The following NOTCH2NLB variants were observed in gnomAD, a reference collection of about 807,000 sequenced individuals.
NOTCH2NLB encodes the protein notch homolog 2 N-terminal-like protein B.
In NOTCH2NLB, 1 loss-of-function variant was observed where a neutral mutation model predicts 14.8. The observed-to-expected ratio is 0.07, with a 90% CI of 0.02 to 0.32. The LOEUF is 0.32. Among genes scored for constraint, NOTCH2NLB ranks in the 10% least tolerant of loss-of-function variants. NOTCH2NLB has a pLI of 1.00. For synonymous variants in NOTCH2NLB, 6 were observed against 57.5 expected (o/e 0.10, Z 4.05); for missense variants, 11 against 155.0 (o/e 0.07, Z 4.93).
At chr1:148,626,366 AAG>A (rs1459550534) in intron 2 of NOTCH2NLB, among the ~76,000 whole-genome samples, 2 of 70,100 alleles carry the variant, frequency 2.9e-5, no homozygotes, top group Non-Finnish European at 5.2e-5. Flanking sequence ...GAAAAACAAA[AAG>A]AACTTTAAAA....
chr1:148,660,453 T>C (rs1416060679), intron 1 of NOTCH2NLB, among the ~76,000 whole-genome samples: 2 of 145,520 alleles, frequency 1.4e-5, no homozygotes, highest in African/African-American at 2.5e-5. Context: ...ATTCTGTCAA[T>C]AGAATAATGA....
At chr1:148,703,227 T>C in the NOTCH2NLB span, among the ~76,000 whole-genome samples, 7 of 103,370 alleles carry the variant, frequency 6.8e-5, no homozygotes, top group Middle Eastern at 5.4e-3. Context: ...GAGGCGGAGC[T>C]TGCAGTGAGC....
upstream of NOTCH2NLB, among the ~76,000 whole-genome samples, chr1:148,680,743 TC>T (rs1290209167): frequency 1.4e-5 from 2 of 147,516 alleles, no homozygotes; most frequent in African/African-American, 4.9e-5. Context: ...TATATTTTTT[TC>T]AAGACAATAC....
At chr1:148,649,670 C>T (rs1231249843) in intron 1 of NOTCH2NLB, among the ~76,000 whole-genome samples, 1 of 151,782 alleles carries the variant, frequency 6.6e-6, no homozygotes, top group Non-Finnish European at 1.5e-5. Flanking sequence ...GCCACCACAA[C>T]CGGCTAATTT....
intron 2 of NOTCH2NLB, among the ~76,000 whole-genome samples, chr1:148,621,234 A>AT (rs1663868899): frequency 9.0e-6 from 1 of 111,600 alleles, no homozygotes; most frequent in Non-Finnish European, 1.8e-5. Flanking sequence ...CCAAATGCCT[A>AT]TAAGCGGATG....
intron 1 of NOTCH2NLB, among the ~76,000 whole-genome samples, chr1:148,649,538 T>A (rs1258196465): frequency 8.1e-6 from 1 of 123,098 alleles, no homozygotes; most frequent in Non-Finnish European, 1.7e-5. Flanking sequence ...TGAGATGGAG[T>A]CTCGCTCTGT....
rs1181795414 is a variant in NOTCH2NLB, at chr1:148,643,514, C to CA, written c.4-3426dup. On this transcript the variant is annotated intron_variant, in intron 1 of 4. Coordinates refer to ENST00000593495, the Ensembl canonical transcript of NOTCH2NLB. ...TGAGTGACAGAGAGAGACTCCATCT[C>CA]AAAAAAAAAAAAAAAAAAAAAAAAA... Among the ~76,000 whole-genome samples, 11 of 5,380 alleles carry CA rather than the reference C, an allele frequency of 2.0e-3. 4 individuals are homozygous for CA. Among genetic ancestry groups the CA allele is most frequent in the African/African-American group, 3.4e-3 (2 of 594 alleles). 3.5% of individuals were successfully genotyped at this position (5,380 alleles called of 152,430 possible).
At chr1:148,693,033 TTTC>T in the NOTCH2NLB span, among the ~76,000 whole-genome samples, 16 of 140,308 alleles carry the variant, frequency 1.1e-4, no homozygotes, top group Admixed American at 2.1e-4. Context: ...TTCCATTTAG[TTTC>T]TGCAACTGAA....
At chr1:148,693,108 C>A in the NOTCH2NLB span, among the ~76,000 whole-genome samples, 2 of 119,904 alleles carry the variant, frequency 1.7e-5, no homozygotes, top group Admixed American at 8.1e-5. Context: ...CCCCACCATC[C>A]ATTCTTCCTC....
intron 1 of NOTCH2NLB, among the ~76,000 whole-genome samples, chr1:148,651,144 G>A (rs1317546233): frequency 1.8e-3 from 136 of 76,372 alleles, no homozygotes; most frequent in East Asian, 3.6e-3. Flanking sequence ...CTCTGCCTGA[G>A]AAAAAAAAAA....
At chr1:148,649,650 A>G (rs1390728875) in intron 1 of NOTCH2NLB, among the ~76,000 whole-genome samples, 1 of 151,726 alleles carries the variant, frequency 6.6e-6, no homozygotes, top group Non-Finnish European at 1.5e-5. Context: ...AGCTGGGACT[A>G]TAGGTGCCCG....
the NOTCH2NLB span, among the ~76,000 whole-genome samples, chr1:148,693,124 C>G: frequency 7.5e-6 from 1 of 132,692 alleles, no homozygotes; most frequent in Non-Finnish European, 1.6e-5. Flanking sequence ...TCCTCTCTCT[C>G]TCTTCCTTAG....
chr1:148,638,299 C>T (rs1228656867), intron 2 of NOTCH2NLB, among the ~76,000 whole-genome samples: 3 of 149,194 alleles, frequency 2.0e-5, no homozygotes, highest in Non-Finnish European at 4.5e-5. Context: ...CTACACCAGG[C>T]ACTGTAATAG....
intron 1 of NOTCH2NLB, among the ~76,000 whole-genome samples, chr1:148,651,162 A>ATATATATATAT (rs1325402394): frequency 1.1e-3 from 52 of 45,948 alleles, no homozygotes; most frequent in East Asian, 1.8e-3. Flanking sequence ...AAAAAAAAAA[A>ATATATATATAT]ATATATATAT....
At chr1:148,604,962 C>CAA (rs1392869158), downstream of NOTCH2NLB, among the ~76,000 whole-genome samples, 1 of 144,240 alleles carries the variant, frequency 6.9e-6, no homozygotes, top group Non-Finnish European at 1.5e-5. Flanking sequence ...CACACACACA[C>CAA]ACACACACAC....
chr1:148,651,142 GAGAA>G (rs1479294553), intron 1 of NOTCH2NLB, among the ~76,000 whole-genome samples: 1 of 34,044 alleles, frequency 2.9e-5, no homozygotes, highest in African/African-American at 1.3e-4. Flanking sequence ...GACTCTGCCT[GAGAA>G]AAAAAAAAAA....
At chr1:148,674,832 T>C (rs1334360339) in intron 1 of NOTCH2NLB, among the ~76,000 whole-genome samples, 36 of 146,962 alleles carry the variant, frequency 2.4e-4, no homozygotes, top group East Asian at 6.1e-4. Flanking sequence ...TTTTTGTCAG[T>C]AGGGTGTTCA....
At chr1:148,694,162 G>A in the NOTCH2NLB span, among the ~76,000 whole-genome samples, 1 of 146,558 alleles carries the variant, frequency 6.8e-6, no homozygotes, top group Admixed American at 6.8e-5. Context: ...CACATTGAGT[G>A]GGTGATAAAG....
chr1:148,612,899 A>AAACAC (rs1663731054), intron 3 of NOTCH2NLB, among the ~76,000 whole-genome samples: 1 of 91,812 alleles, frequency 1.1e-5, no homozygotes, highest in African/African-American at 4.3e-5. Flanking sequence ...GGAAAAAAAA[A>AAACAC]AACACAACCT....
Sources: gnomAD v4.1 joint callset for allele counts (sites outside exome capture counted in the v4.1 genomes callset) on GRCh38, gnomAD v4.1.1 for gene constraint, MANE v1.5 for transcripts, NCBI Gene and HGNC (gene_info 2026-07-23, HGNC 2026-07-21) for gene names.